CENPW: variants seen among roughly 807,000 people sequenced by gnomAD.
CENPW encodes the protein cancer-up-regulated gene 2 protein.
In CENPW, 3 loss-of-function variants were observed where a neutral mutation model predicts 11.1. The ratio of observed to expected loss-of-function variants is 0.27; its 90% CI spans 0.12 to 0.70. The LOEUF (loss-of-function observed/expected upper bound fraction) is 0.70. Among genes scored for constraint, CENPW ranks in the 30% least tolerant of loss-of-function variants. The pLI is 0.77. For synonymous variants in CENPW, 38 were observed against 42.0 expected (o/e 0.91, Z 0.37); for missense variants, 100 against 105.6 (o/e 0.95, Z 0.23).
At chr6:126,355,732 G>C in the CENPW span, among the ~76,000 whole-genome samples, 1 of 152,138 alleles carries the variant, frequency 6.6e-6, no homozygotes, top group Non-Finnish European at 1.5e-5. Context: ...CTGTGAGAGA[G>C]TACTTGCGCT....
the CENPW span, among the ~76,000 whole-genome samples, chr6:126,443,036 G>A: frequency 6.6e-6 from 1 of 151,154 alleles, no homozygotes; most frequent in African/African-American, 2.4e-5. Flanking sequence ...AGAAAGATGA[G>A]ATTTTTATAG....
At chr6:126,422,185 G>A in the CENPW span, among the ~76,000 whole-genome samples, 4 of 151,982 alleles carry the variant, frequency 2.6e-5, no homozygotes, top group African/African-American at 7.2e-5. Flanking sequence ...AATAAATATC[G>A]AGGAGGCCAC....
At chr6:126,376,152 T>C in the CENPW span, among the ~76,000 whole-genome samples, 5 of 152,168 alleles carry the variant, frequency 3.3e-5, no homozygotes, top group African/African-American at 7.2e-5. Context: ...AGAGTCTTAC[T>C]TGATACTGAG....
the CENPW span, among the ~76,000 whole-genome samples, chr6:126,377,096 T>C: frequency 6.6e-6 from 1 of 152,180 alleles, no homozygotes; most frequent in Admixed American, 6.5e-5. Flanking sequence ...TCTTCTAATG[T>C]TGTGTGGAGA....
chr6:126,405,298 A>G, the CENPW span, among the ~76,000 whole-genome samples: 1 of 152,042 alleles, frequency 6.6e-6, no homozygotes. Context: ...CACCTTTCTC[A>G]AAATTAAGTT....
the CENPW span, among the ~76,000 whole-genome samples, chr6:126,424,904 C>G: frequency 6.6e-6 from 1 of 152,086 alleles, no homozygotes; most frequent in Non-Finnish European, 1.5e-5. Flanking sequence ...GCACCTCTAG[C>G]ACCTGATATA....
the CENPW span, among the ~76,000 whole-genome samples, chr6:126,420,117 G>T: frequency 3.3e-5 from 5 of 152,116 alleles, no homozygotes; most frequent in Non-Finnish European, 7.4e-5. Context: ...CTTTGAACAG[G>T]AATATTTAAG....
At chr6:126,378,695 A>AC in the CENPW span, among the ~76,000 whole-genome samples, 7 of 152,200 alleles carry the variant, frequency 4.6e-5, no homozygotes, top group African/African-American at 1.7e-4. Context: ...AAAGTCCAGA[A>AC]CAGGAGGATG....
At chr6:126,458,947 C>A in the CENPW span, among the ~76,000 whole-genome samples, 5 of 151,398 alleles carry the variant, frequency 3.3e-5, no homozygotes, top group Non-Finnish European at 7.4e-5. Flanking sequence ...AACCTGCCTA[C>A]AGTTTCTTCA....
At chr6:126,386,619 G>A in the CENPW span, among the ~76,000 whole-genome samples, 1 of 151,916 alleles carries the variant, frequency 6.6e-6, no homozygotes, top group African/African-American at 2.4e-5. Flanking sequence ...TGAAATAGTT[G>A]TGCAGTGTAC....
chr6:126,350,655 A>T (rs754645771), downstream of CENPW, among the ~76,000 whole-genome samples: 4 of 152,142 alleles, frequency 2.6e-5, no homozygotes, highest in Non-Finnish European at 5.9e-5. Flanking sequence ...ACATTTTTAT[A>T]CTTTAATGAG....
chr6:126,408,284 C>T, the CENPW span, among the ~76,000 whole-genome samples: 1 of 152,132 alleles, frequency 6.6e-6, no homozygotes, highest in African/African-American at 2.4e-5. Flanking sequence ...ATTTAATGGA[C>T]TCACAATTTC....
At chr6:126,442,756 T>C in the CENPW span, among the ~76,000 whole-genome samples, 1 of 151,200 alleles carries the variant, frequency 6.6e-6, no homozygotes, top group Admixed American at 6.6e-5. Flanking sequence ...ATTTTAGGCA[T>C]AAAAATAAGC....
chr6:126,365,307 C>G, the CENPW span, among the ~76,000 whole-genome samples: 2 of 152,100 alleles, frequency 1.3e-5, no homozygotes, highest in African/African-American at 4.8e-5. Context: ...TAAGGAAATA[C>G]CTGAAACTGG....
the CENPW span, among the ~76,000 whole-genome samples, chr6:126,362,447 C>T: frequency 6.6e-6 from 1 of 152,274 alleles, no homozygotes; most frequent in South Asian, 2.1e-4. Flanking sequence ...TTGGTGCACC[C>T]AATTCAGTCT....
At chr6:126,340,494 T>C (rs766390386) in intron 1 of CENPW, 95 bp downstream of exon 1, 1 of 1,586,662 alleles carries the variant, frequency 6.3e-7, no homozygotes, top group East Asian at 2.2e-5. Flanking sequence ...AGCCAATTTA[T>C]AGCTCTTTCA....
intron 1 of CENPW, among the ~76,000 whole-genome samples, chr6:126,343,535 C>T (rs1330221881): frequency 6.6e-6 from 1 of 152,182 alleles, no homozygotes; most frequent in Non-Finnish European, 1.5e-5. Flanking sequence ...AAGCCAGTCC[C>T]AGTCCCAGTC....
intron 1 of CENPW, among the ~76,000 whole-genome samples, chr6:126,345,741 T>A (rs1489210542): frequency 6.6e-6 from 1 of 152,198 alleles, no homozygotes; most frequent in Non-Finnish European, 1.5e-5. Context: ...ATTAACATGT[T>A]TTTTAATAAA....
At chr6:126,482,781 TAA>T in the CENPW span, among the ~76,000 whole-genome samples, 1 of 151,998 alleles carries the variant, frequency 6.6e-6, no homozygotes, top group South Asian at 2.1e-4. Flanking sequence ...TTTGGTAGTA[TAA>T]GTTTTCCTGT....
Sources: gnomAD v4.1 joint callset for allele counts (sites outside exome capture counted in the v4.1 genomes callset) on GRCh38, gnomAD v4.1.1 for gene constraint, MANE v1.5 for transcripts, NCBI Gene and HGNC (gene_info 2026-07-23, HGNC 2026-07-21) for gene names.